The following PCCA variants were observed in gnomAD, a reference collection of about 807,000 sequenced individuals.
PCCA encodes propionyl-CoA carboxylase subunit alpha.
Under a neutral mutation model 101.3 loss-of-function variants are expected in PCCA, and 74 were observed. The ratio of observed to expected loss-of-function variants is 0.73; its 90% CI spans 0.61 to 0.89. The LOEUF (loss-of-function observed/expected upper bound fraction) is 0.89. PCCA is among the 40% of genes least tolerant of loss of function. The pLI, the probability that PCCA is intolerant of heterozygous loss-of-function variation, is 0.00. For synonymous variants in PCCA, 294 were observed against 313.6 expected (o/e 0.94, Z 0.66); for missense variants, 891 against 907.0 (o/e 0.98, Z 0.23).
chr13:100,501,903 A>ATAAATAAAT (rs55984837), intron 21 of PCCA, among the ~76,000 whole-genome samples: 1 of 150,590 alleles, frequency 6.6e-6, no homozygotes, highest in Admixed American at 6.7e-5. Context: ...AAATAAATAA[A>ATAAATAAAT]ATGCACCCAA....
intron 6 of PCCA, among the ~76,000 whole-genome samples, chr13:100,181,819 G>A (rs2056814746): frequency 6.8e-6 from 1 of 147,396 alleles, no homozygotes; most frequent in Non-Finnish European, 1.5e-5. Context: ...AGGCTGGAGT[G>A]CAGTGGCGTG....
intron 6 of PCCA, among the ~76,000 whole-genome samples, chr13:100,162,944 C>T (rs2054637779): frequency 6.6e-6 from 1 of 152,154 alleles, no homozygotes; most frequent in South Asian, 2.1e-4. Context: ...TCATAAAACC[C>T]TTATTATGAC....
chr13:100,129,712 G>C (rs990653828), intron 4 of PCCA, among the ~76,000 whole-genome samples: 8 of 152,216 alleles, frequency 5.3e-5, no homozygotes, highest in African/African-American at 1.9e-4. Flanking sequence ...CAGTCTCCAG[G>C]AGTTGTAGTG....
At chr13:100,409,501 C>T (rs2077898392) in intron 19 of PCCA, among the ~76,000 whole-genome samples, 1 of 152,118 alleles carries the variant, frequency 6.6e-6, no homozygotes, top group East Asian at 1.9e-4. Flanking sequence ...TCACCCACAG[C>T]TTAAATTCCT....
intron 22 of PCCA, among the ~76,000 whole-genome samples, chr13:100,520,987 C>A (rs1328538431): frequency 6.6e-6 from 1 of 152,018 alleles, no homozygotes; most frequent in African/African-American, 2.4e-5. Flanking sequence ...TAAAAGTTTA[C>A]AAAAAATCAT....
chr13:100,443,246 G>A (rs1432904223), intron 20 of PCCA, among the ~76,000 whole-genome samples: 1 of 152,084 alleles, frequency 6.6e-6, no homozygotes, highest in Non-Finnish European at 1.5e-5. Context: ...AAAGAAGAAT[G>A]TTTCATCCAG....
chr13:100,177,849 A>G (rs2056386880), intron 6 of PCCA, among the ~76,000 whole-genome samples: 1 of 152,202 alleles, frequency 6.6e-6, no homozygotes, highest in Admixed American at 6.5e-5. Context: ...AAATTAGAAC[A>G]TGGCACTAAG....
At chr13:100,377,215 T>A (rs1010550841) in intron 19 of PCCA, among the ~76,000 whole-genome samples, 1 of 152,136 alleles carries the variant, frequency 6.6e-6, no homozygotes, top group Admixed American at 6.5e-5. Flanking sequence ...CCTTCTGTGC[T>A]GATCTCGCGG....
intron 12 of PCCA, among the ~76,000 whole-genome samples, chr13:100,285,754 A>G (rs2064572712): frequency 6.6e-6 from 1 of 152,186 alleles, no homozygotes; most frequent in Admixed American, 6.5e-5. Context: ...AACAAATTAT[A>G]GTCCAGACTT....
chr13:100,348,727 CCTTTCTTT>C (rs139583993), intron 18 of PCCA, among the ~76,000 whole-genome samples: 1,047 of 99,036 alleles, frequency 0.011, 21 homozygotes, highest in African/African-American at 0.027. Flanking sequence ...CGTTTTTTTT[CCTTTCTTT>C]CTTTCTTTCT....
At chr13:100,444,156 C>T (rs552729233) in intron 20 of PCCA, among the ~76,000 whole-genome samples, 4 of 152,164 alleles carry the variant, frequency 2.6e-5, no homozygotes, top group African/African-American at 7.2e-5. Context: ...TGCCATCGTG[C>T]CATCCCTTAA....
intron 2 of PCCA, 85 bp from the exon 3 acceptor site, chr13:100,111,756 T>C (rs1353141752): frequency 3.8e-6 from 3 of 796,294 alleles, no homozygotes; most frequent in East Asian, 2.5e-5. Flanking sequence ...TCAGTGTTGA[T>C]GTTGGAAAAA....
intron 20 of PCCA, among the ~76,000 whole-genome samples, chr13:100,431,103 C>T (rs1025321675): frequency 8.6e-5 from 13 of 152,010 alleles, no homozygotes; most frequent in African/African-American, 3.1e-4. Flanking sequence ...CCTGGTGAAC[C>T]CTTGGCCTTC....
chr13:100,395,716 G>T (rs989732145), intron 19 of PCCA, among the ~76,000 whole-genome samples: 1 of 152,094 alleles, frequency 6.6e-6, no homozygotes, highest in Non-Finnish European at 1.5e-5. Context: ...CCATGATTTT[G>T]TAATGTTTTT....
chr13:100,524,346 A>T (rs1049323406), intron 22 of PCCA, among the ~76,000 whole-genome samples: 1 of 148,822 alleles, frequency 6.7e-6, no homozygotes, highest in African/African-American at 2.5e-5. Context: ...TTTCCAAAGG[A>T]TGAAACATGT....
At chr13:100,259,151 A>C (rs891439093) in intron 9 of PCCA, among the ~76,000 whole-genome samples, 5 of 152,204 alleles carry the variant, frequency 3.3e-5, no homozygotes, top group Non-Finnish European at 7.4e-5. Context: ...CATAATCCAC[A>C]AAGATTTCAT....
intron 1 of PCCA, among the ~76,000 whole-genome samples, chr13:100,094,485 C>A (rs574636005): frequency 6.6e-6 from 1 of 152,224 alleles, no homozygotes; most frequent in East Asian, 1.9e-4. Context: ...TGGGATCAAC[C>A]TAATAAGATC....
rs1555454057 is a variant in PCCA at position 100,422,070 on chromosome 13, TTTTCTTTCTTTCTTTCTTTC to T, written c.1747-3531_1747-3512del. On this transcript the variant is annotated intron_variant, in intron 19 of 23. Coordinates refer to ENST00000376285, the MANE Select transcript of PCCA (RefSeq NM_000282.4). ...TCTTTTCCTTTTCTCTTCTCTTTTC[TTTTCTTTCTTTCTTTCTTTC>T]TTTCTTTCTTTCTTTCTTTCTTTCT... Among the ~76,000 whole-genome samples, 983 of 110,680 alleles carry T rather than the reference TTTTCTTTCTTTCTTTCTTTC, an allele frequency of 8.9e-3. 31 individuals carry two copies. The highest frequency in any genetic ancestry group is 0.032 in the African/African-American group (926 of 28,802). 72.6% of individuals were successfully genotyped at this position (110,680 alleles called of 152,430 possible).
At chr13:100,287,274 C>T (rs2064750705) in intron 12 of PCCA, among the ~76,000 whole-genome samples, 1 of 151,790 alleles carries the variant, frequency 6.6e-6, no homozygotes, top group Admixed American at 6.6e-5. Context: ...TAGAACTATT[C>T]CTTTCTCATT....
Sources: gnomAD v4.1 joint callset for allele counts (sites outside exome capture counted in the v4.1 genomes callset) on GRCh38, gnomAD v4.1.1 for gene constraint, MANE v1.5 for transcripts, NCBI Gene and HGNC (gene_info 2026-07-23, HGNC 2026-07-21) for gene names.